TP63: variants seen among roughly 807,000 people sequenced by gnomAD.
TP63 encodes tumor protein 63.
In TP63, 17 loss-of-function variants were observed where a neutral mutation model predicts 82.8. The observed-to-expected ratio is 0.21, with a 90% CI of 0.14 to 0.31. The LOEUF is 0.31. TP63 is among the 10% of genes least tolerant of loss of function. TP63 has a pLI of 1.00. For missense variants in TP63, 648 were observed against 895.3 expected, an observed-to-expected ratio of 0.72 and a Z score of 3.52; for synonymous variants, 330 against 321.7, an observed-to-expected ratio of 1.03 and a Z score of -0.28.
chr3:189,642,867 C>G (rs1388085547), intron 1 of TP63, among the ~76,000 whole-genome samples: 1 of 151,766 alleles, frequency 6.6e-6, no homozygotes, highest in Non-Finnish European at 1.5e-5. Context: ...TAAAACATGA[C>G]AGAAAACTGC....
At chr3:189,670,745 A>G (rs1381669337) in intron 1 of TP63, among the ~76,000 whole-genome samples, 1 of 152,056 alleles carries the variant, frequency 6.6e-6, no homozygotes, top group African/African-American at 2.4e-5. Flanking sequence ...CCAGAAATAA[A>G]TCTATGTGTT....
intron 4 of TP63, 62 bp downstream of exon 4, chr3:189,808,588 C>G (rs970828070): frequency 6.2e-7 from 1 of 1,606,862 alleles, no homozygotes; most frequent in African/African-American, 1.3e-5. Flanking sequence ...TTCACCACGT[C>G]CCAGGGATTT....
intron 13 of TP63, among the ~76,000 whole-genome samples, chr3:189,892,784 T>C (rs1428088930): frequency 1.3e-5 from 2 of 152,128 alleles, no homozygotes; most frequent in Non-Finnish European, 2.9e-5. Flanking sequence ...AGTGCAAGAC[T>C]CCGTCTCAAA....
At chr3:189,676,543 C>T (rs927205419) in intron 1 of TP63, among the ~76,000 whole-genome samples, 3 of 151,358 alleles carry the variant, frequency 2.0e-5, no homozygotes, top group East Asian at 1.9e-4. Context: ...TAGAATATAT[C>T]GTGTGTGTGT....
chr3:189,793,884 C>T (rs1243249069), intron 3 of TP63, among the ~76,000 whole-genome samples: 2 of 152,038 alleles, frequency 1.3e-5, no homozygotes, highest in Non-Finnish European at 2.9e-5. Flanking sequence ...ACTAATATAG[C>T]ATTATTGTCC....
At chr3:189,707,912 C>T (rs7340529) in intron 1 of TP63, among the ~76,000 whole-genome samples, 62,848 of 151,862 alleles carry the variant, frequency 0.41, 13,276 homozygotes, top group East Asian at 0.64. Flanking sequence ...TTGTACATTG[C>T]GTACATACAT....
chr3:189,653,540 T>A (rs1380773086), intron 1 of TP63, among the ~76,000 whole-genome samples: 1 of 152,254 alleles, frequency 6.6e-6, no homozygotes, highest in Non-Finnish European at 1.5e-5. Flanking sequence ...GTAATTTTCC[T>A]AGATTTCTAC....
chr3:189,725,962 G>A (rs1319234090), intron 1 of TP63, among the ~76,000 whole-genome samples: 3 of 151,906 alleles, frequency 2.0e-5, no homozygotes, highest in African/African-American at 7.2e-5. Flanking sequence ...GGCTGGGGCA[G>A]GAGAATTGCT....
At chr3:189,719,423 T>A (rs532428115) in intron 1 of TP63, among the ~76,000 whole-genome samples, 29 of 152,348 alleles carry the variant, frequency 1.9e-4, no homozygotes, top group African/African-American at 7.0e-4. Context: ...GCATCCGATG[T>A]ATCAGAAATC....
intron 1 of TP63, among the ~76,000 whole-genome samples, chr3:189,717,242 G>C (rs1719032751): frequency 6.6e-6 from 1 of 152,128 alleles, no homozygotes; most frequent in African/African-American, 2.4e-5. Flanking sequence ...CAACATCTCT[G>C]AAATTAAAGA....
At chr3:189,858,585 G>A (rs1716609431) in intron 4 of TP63, among the ~76,000 whole-genome samples, 2 of 152,090 alleles carry the variant, frequency 1.3e-5, no homozygotes. Flanking sequence ...GACAAGCTTG[G>A]GCAAAATAGT....
At chr3:189,616,181 C>T in the TP63 span, among the ~76,000 whole-genome samples, 5 of 152,174 alleles carry the variant, frequency 3.3e-5, no homozygotes, top group African/African-American at 1.2e-4. Flanking sequence ...TCCACATATC[C>T]TCTCATCCTA....
chr3:189,603,477 G>A, the TP63 span, among the ~76,000 whole-genome samples: 4 of 151,822 alleles, frequency 2.6e-5, no homozygotes, highest in East Asian at 1.9e-4. Flanking sequence ...AGCATGGGAA[G>A]CAGAAAGATT....
the TP63 span, among the ~76,000 whole-genome samples, chr3:189,597,108 C>G: frequency 1.6e-4 from 25 of 152,260 alleles, no homozygotes; most frequent in African/African-American, 5.8e-4. Context: ...CGCCAGGGTC[C>G]GCGGCTTCAT....
intron 3 of TP63, among the ~76,000 whole-genome samples, chr3:189,785,145 G>A (rs1035380649): frequency 6.6e-6 from 1 of 151,918 alleles, no homozygotes; most frequent in Admixed American, 6.6e-5. Context: ...AATTGAAAGC[G>A]ATATTTTTTC....
At position 189,868,708 on chromosome 3, in the gene TP63, C is replaced by T. The variant is rs199807776; in HGVS notation, c.1121C>T (p.Thr374Met). The T allele has an allele frequency of 1.4e-4, 231 of 1,613,826 alleles. No individual in the cohort carries two copies. The highest frequency in any genetic ancestry group is 1.8e-4 in the Non-Finnish European group (213 of 1,179,958). The change falls in exon 8 of 14, where the codon ACG (threonine) becomes ATG (methionine). Residue 374 changes from threonine (T) to methionine (M), a missense_variant. By Grantham distance (81) the Thr-to-Met change is moderately conservative (BLOSUM62 -1). Transcript: ENST00000264731. ...GACAGTACAAAGAACGGTGATGGTACGAAGCGCCGTAAGTAGATGTAGTGG... is the reference window on the plus strand; with the variant it reads ...GACAGTACAAAGAACGGTGATGGTATGAAGCGCCGTAAGTAGATGTAGTGG... ...VSDSTKNGDG[T>M]KRPFRQNTHG...
At chr3:189,639,646 G>C (rs78958765) in intron 1 of TP63, among the ~76,000 whole-genome samples, 2,780 of 152,070 alleles carry the variant, frequency 0.018, 91 homozygotes, top group African/African-American at 0.063. Flanking sequence ...CATTAACTCA[G>C]GCAGATTTTT....
At chr3:189,635,035 A>G (rs1025968410) in intron 1 of TP63, among the ~76,000 whole-genome samples, 2 of 152,154 alleles carry the variant, frequency 1.3e-5, no homozygotes, top group African/African-American at 4.8e-5. Flanking sequence ...AATGATAAAC[A>G]TGAATCAAAA....
intron 1 of TP63, among the ~76,000 whole-genome samples, chr3:189,732,812 A>G (rs1245976537): frequency 2.0e-5 from 3 of 152,196 alleles, no homozygotes; most frequent in Admixed American, 6.5e-5. Flanking sequence ...TGAGAGAGAG[A>G]TGTTTCACCC....
Sources: allele counts gnomAD v4.1 joint callset (sites outside exome capture counted in the v4.1 genomes callset), GRCh38; gene constraint gnomAD v4.1.1; transcripts MANE v1.5; gene names NCBI Gene and HGNC (gene_info 2026-07-23, HGNC 2026-07-21).